The following PFKP variants were observed in gnomAD, a reference collection of about 807,000 sequenced individuals.
PFKP encodes the protein ATP-dependent 6-phosphofructokinase, platelet type.
Under a neutral mutation model 94.3 loss-of-function variants are expected in PFKP, and 101 were observed. The ratio of observed to expected loss-of-function variants is 1.07; its 90% CI spans 0.91 to 1.26. The LOEUF is 1.26. PFKP is among the 50% of genes most tolerant of loss of function. PFKP has a pLI of 0.00. For missense variants in PFKP, 1,145 were observed against 1,103.3 expected (o/e 1.04, Z -0.53); for synonymous variants, 573 against 432.6 (o/e 1.32, Z -4.03).
Position 3,082,378 on chromosome 10 carries a change from T to A in PFKP, c.113-10T>A. 6.2e-7 allele frequency: 1 copy of A among 1,602,112 alleles called. No individual in the cohort carries two copies. The highest frequency in any genetic ancestry group is 8.5e-7 in the Non-Finnish European group (1 of 1,172,082). ...CTCTTCAGTGACTCTTGCTCCTGTT[T>A]CCACTGCAGGTATGAACGCTGCCGT... On this transcript the variant is annotated splice_polypyrimidine_tract_variant and intron_variant, in intron 1 of 21. Transcript: ENST00000381125.
intron 16 of PFKP, among the ~76,000 whole-genome samples, chr10:3,123,223 T>C (rs571764628): frequency 8.5e-5 from 13 of 152,144 alleles, no homozygotes; most frequent in Non-Finnish European, 1.8e-4. Context: ...ACTGGCCCAT[T>C]ACTCCGTCCT....
rs748463060 is a variant in PFKP at position 3,113,168 on chromosome 10, C to T, written c.1204C>T (p.Pro402Ser). Residue 402 changes from proline to serine, a missense_variant, in exon 12 of 22, where the codon CCG becomes TCG. Transcript: ENST00000381125. Reference protein sequence around the residue: ...NTYKRLAIKLPDDQIPKTNCN... With the variant: ...NTYKRLAIKLSDDQIPKTNCN... ...CTACAAGCGACTTGCCATCAAGCTG[C>T]CGGATGATCAGATCCCAAAGGTAGG... The T allele has an allele frequency of 6.2e-7, 1 of 1,612,594 alleles. No individual in the cohort carries two copies. The highest frequency in any genetic ancestry group is 1.1e-5 in the South Asian group (1 of 90,778).
intron 1 of PFKP, 97 bp from the exon 2 acceptor site, chr10:3,082,291 A>C: frequency 1.3e-6 from 1 of 751,160 alleles, no homozygotes; most frequent in Non-Finnish European, 2.2e-6. Flanking sequence ...TGAGGCATTG[A>C]GAGGTTAGGA....
chr10:3,105,060 C>G, intron 5 of PFKP, 55 bp from the exon 6 acceptor site: 1 of 1,548,094 alleles, frequency 6.5e-7, no homozygotes, highest in Non-Finnish European at 8.9e-7. Context: ...TGGGTGCTCC[C>G]TCTGTTTCTC....
chr10:3,089,113 A>G (rs1341821477), intron 2 of PFKP, among the ~76,000 whole-genome samples: 1 of 152,072 alleles, frequency 6.6e-6, no homozygotes, highest in African/African-American at 2.4e-5. Flanking sequence ...TTTTATTTTT[A>G]GTAGAGATGG....
At chr10:3,100,056 GGTGTGTGTGTGT>G (rs55739223) in intron 3 of PFKP, among the ~76,000 whole-genome samples, 2 of 137,744 alleles carry the variant, frequency 1.5e-5, no homozygotes, top group African/African-American at 3.1e-5. Flanking sequence ...GTAGGTGTGT[GGTGTGTGTGTGT>G]GTGTGTGTGT....
intron 1 of PFKP, among the ~76,000 whole-genome samples, chr10:3,077,261 C>CTTTTTTTTTTTTTTTTTTTTT (rs34485324): frequency 9.0e-4 from 76 of 84,236 alleles, no homozygotes; most frequent in Non-Finnish European, 9.8e-4. Context: ...TTTTTTTTTT[C>CTTTTTTTTTTTTTTTTTTTTT]TTTTTTTTTT....
chr10:3,100,862 C>CAAAAAAAAAAA lies in PFKP; in HGVS notation c.265-493_265-483dup, dbSNP rs71294492. The CAAAAAAAAAAA allele has an allele frequency of 1.5e-3, 1,015 of 656,630 alleles. 5 individuals are homozygous for CAAAAAAAAAAA. The highest frequency in any genetic ancestry group is 4.2e-3 in the African/African-American group (174 of 40,996). 40.7% of individuals were successfully genotyped at this position (656,630 alleles called of 1,614,324 possible). A position where few individuals can be genotyped will look rare whatever the true frequency, so the allele number is the denominator to read the frequency against. On this transcript the variant is annotated intron_variant, in intron 3 of 21. Coordinates refer to ENST00000381125, the MANE Select transcript of PFKP (RefSeq NM_002627.5). ...TAAAAGGGGCAGCGAGTATGTGGTG[C>CAAAAAAAAAAA]AAAAAAAAAAAAAAAAAAAATCCCC...
intron 16 of PFKP, among the ~76,000 whole-genome samples, chr10:3,122,352 G>A (rs1837514202): frequency 6.6e-6 from 1 of 152,164 alleles, no homozygotes; most frequent in African/African-American, 2.4e-5. Context: ...GTGGCTGCTG[G>A]GGAGCTGGGA....
Position 3,105,531 on chromosome 10 carries a change from G to A in PFKP, c.774+30G>A, listed in dbSNP as rs371423615. Reference sequence around the variant, plus strand: ...TGCGGGTCCCGTGGCCGTTGATAGCGGGCGATGCTGGCTGCATTGCTTTAA... The same window carrying A: ...TGCGGGTCCCGTGGCCGTTGATAGCAGGCGATGCTGGCTGCATTGCTTTAA... On this transcript the variant is annotated intron_variant, in intron 7 of 21. Transcript: ENST00000381125. 920 of 1,442,004 alleles carry A rather than the reference G, an allele frequency of 6.4e-4. 3 individuals are homozygous for A. The highest frequency in any genetic ancestry group is 8.2e-4 in the Non-Finnish European group (835 of 1,023,118). 89.3% of individuals were successfully genotyped at this position (1,442,004 alleles called of 1,614,324 possible). A position where few individuals can be genotyped will look rare whatever the true frequency, so the allele number is the denominator to read the frequency against.
intron 13 of PFKP, among the ~76,000 whole-genome samples, chr10:3,115,077 C>T (rs981131998): frequency 4.6e-5 from 7 of 152,154 alleles, no homozygotes; most frequent in African/African-American, 1.4e-4. Context: ...TACACGCAGG[C>T]ATAAACAGAG....
At chr10:3,117,314 CTT>C (rs144137485) in intron 14 of PFKP, among the ~76,000 whole-genome samples, 2 of 152,166 alleles carry the variant, frequency 1.3e-5, no homozygotes, top group Non-Finnish European at 2.9e-5. Context: ...CTAAAAATCT[CTT>C]TTTCAGACCT....
At chr10:3,098,302 GAA>G (rs1834664560) in intron 2 of PFKP, among the ~76,000 whole-genome samples, 2 of 152,272 alleles carry the variant, frequency 1.3e-5, no homozygotes, top group South Asian at 4.1e-4. Flanking sequence ...TTATGTAGAT[GAA>G]GTTACCCGTG....
intron 4 of PFKP, among the ~76,000 whole-genome samples, chr10:3,101,854 C>T (rs1012581559): frequency 1.3e-5 from 2 of 152,184 alleles, no homozygotes. Context: ...AGGAATCAAA[C>T]GGCCACTCAG....
rs200359976 is a variant in PFKP at position 3,101,566 on chromosome 10, C to A, written c.454+12C>A. On this transcript the variant is annotated intron_variant, in intron 4 of 21. Transcript: ENST00000381125. ...GCTGGCCAGGAACGGTGAGTGGACA[C>A]CTGCTCCTCTGTCCTGCGGGTTTTC... The A allele has an allele frequency of 2.6e-6, 4 of 1,511,732 alleles. No homozygotes were observed. The East Asian group carries it at 7.0e-5, about 26-fold the overall frequency. 93.6% of individuals were successfully genotyped at this position (1,511,732 alleles called of 1,614,324 possible). A position where few individuals can be genotyped will look rare whatever the true frequency, so the allele number is the denominator to read the frequency against.
chr10:3,119,860 C>G (rs757506762), intron 15 of PFKP, 32 bp from the exon 16 acceptor site: 5 of 1,611,868 alleles, frequency 3.1e-6, no homozygotes, highest in Non-Finnish European at 4.2e-6. Flanking sequence ...CAGCTTCCCT[C>G]TCGCCCCACA....
Position 3,101,613 on chromosome 10 carries a change from A to AC in PFKP, c.454+61dup, listed in dbSNP as rs546509758. On this transcript the variant is annotated intron_variant, in intron 4 of 21. Coordinates refer to ENST00000381125, the MANE Select transcript of PFKP (RefSeq NM_002627.5). Reference sequence around the variant, plus strand: ...TTTCGCCCTGTTTCAGAGCTTTGGAACCGACAGGTTTCCCTCTTCACTGTG... The same window carrying AC: ...TTTCGCCCTGTTTCAGAGCTTTGGAACCCGACAGGTTTCCCTCTTCACTGTG... 40 of 1,251,574 alleles carry AC rather than the reference A, an allele frequency of 3.2e-5. 1 individual carries two copies. In the African/African-American group the frequency reaches 6.0e-4, roughly 19 times the overall value. The allele number at this position is 1,251,574 out of a possible 1,614,324, so 77.5% of individuals were successfully genotyped here.
chr10:3,070,052 G>C (rs577076852), intron 1 of PFKP, among the ~76,000 whole-genome samples: 1 of 152,366 alleles, frequency 6.6e-6, no homozygotes, highest in East Asian at 1.9e-4. Context: ...TCTGCAGGTG[G>C]CATCAAATAT....
chr10:3,136,454 A>C lies in PFKP; in HGVS notation c.2230A>C (p.Arg744=). 1 of 1,613,406 alleles carries C rather than the reference A, an allele frequency of 6.2e-7. No individual in the cohort carries two copies. Among genetic ancestry groups the C allele is most frequent in the Non-Finnish European group, 8.5e-7 (1 of 1,179,556 alleles). The part of the protein sequence containing the change: ...ELKKQTDFEH[R]IPKEQWWLKL... ...TGTCTCCTCTTACCTCCACAGGCAC[A>C]GGATTCCCAAAGAACAGTGGTGGCT... Residue 744 remains arginine (R), a synonymous_variant, in exon 22 of 22, where the codon AGG becomes CGG. Transcript: ENST00000381125.
Sources: gnomAD v4.1 joint callset for allele counts (sites outside exome capture counted in the v4.1 genomes callset) on GRCh38, gnomAD v4.1.1 for gene constraint, MANE v1.5 for transcripts, NCBI Gene and HGNC (gene_info 2026-07-23, HGNC 2026-07-21) for gene names.